Variants in COG3 observed in about 807,000 individuals in gnomAD.
COG3 encodes the protein conserved oligomeric Golgi complex subunit 3.
A neutral mutation model predicts 114.1 loss-of-function variants in COG3; 32 were observed. The ratio of observed to expected loss-of-function variants is 0.28; its 90% CI spans 0.21 to 0.38. The LOEUF (loss-of-function observed/expected upper bound fraction) is 0.38. Ranked by LOEUF, COG3 falls within the 10% of genes least tolerant of loss-of-function variation. The pLI, the probability that COG3 is intolerant of heterozygous loss-of-function variation, is 1.00. For synonymous variants in COG3, 352 were observed against 365.7 expected (o/e 0.96, Z 0.43); for missense variants, 813 against 973.2 (o/e 0.84, Z 2.19).
intron 8 of COG3, among the ~76,000 whole-genome samples, chr13:45,490,139 G>C (rs1446509132): frequency 6.6e-6 from 1 of 152,120 alleles, no homozygotes; most frequent in Non-Finnish European, 1.5e-5. Flanking sequence ...ACTTTTGTCT[G>C]TCATAAATTG....
chr13:45,489,994 T>A (rs1886924942), intron 8 of COG3, among the ~76,000 whole-genome samples: 1 of 152,188 alleles, frequency 6.6e-6, no homozygotes, highest in South Asian at 2.1e-4. Flanking sequence ...ACTGGAGTTT[T>A]CTACACGGTA....
chr13:45,489,262 C>CAAAAAAA (rs377551623), intron 8 of COG3, among the ~76,000 whole-genome samples: 1,190 of 43,578 alleles, frequency 0.027, 275 homozygotes, highest in African/African-American at 0.094. Flanking sequence ...GACCCAGCCT[C>CAAAAAAA]AAAAAAAAAA....
chr13:45,478,253 G>A (rs1282351139), intron 2 of COG3, among the ~76,000 whole-genome samples: 1 of 149,468 alleles, frequency 6.7e-6, no homozygotes, highest in Non-Finnish European at 1.5e-5. Context: ...GTGCAGTGGC[G>A]TGATCTCGGC....
At chr13:45,504,041 G>C (rs951227085) in intron 14 of COG3, among the ~76,000 whole-genome samples, 1 of 152,104 alleles carries the variant, frequency 6.6e-6, no homozygotes, top group Non-Finnish European at 1.5e-5. Context: ...TAGGGACCTA[G>C]ACAGCAAGCT....
chr13:45,478,781 A>G (rs959268754), intron 2 of COG3, among the ~76,000 whole-genome samples: 2 of 152,126 alleles, frequency 1.3e-5, no homozygotes, highest in Non-Finnish European at 2.9e-5. Context: ...GAGCCACCAC[A>G]CCCGGTGAAA....
rs1373677487 is a variant in COG3 at position 45,509,625 on chromosome 13, A to G, written c.1595-67A>G. On this transcript the variant is annotated intron_variant, in intron 14 of 22. Transcript: ENST00000349995. Reference sequence around the variant, plus strand: ...TGAGAATAAGCAGTTTATAGTTGCCATGTAAATTATTGTAAGACAAATATC... The same window carrying G: ...TGAGAATAAGCAGTTTATAGTTGCCGTGTAAATTATTGTAAGACAAATATC... The G allele has an allele frequency of 3.1e-6, 5 of 1,587,676 alleles. No individual in the cohort carries two copies. The Admixed American group carries it at 6.8e-5, about 22-fold the overall frequency.
At chr13:45,515,017 G>A (rs1871393419) in intron 16 of COG3, among the ~76,000 whole-genome samples, 1 of 152,192 alleles carries the variant, frequency 6.6e-6, no homozygotes, top group Non-Finnish European at 1.5e-5. Flanking sequence ...GTTTTTTAAG[G>A]CAAGAAATTG....
At position 45,496,125 on chromosome 13, in the gene COG3, G is replaced by T. The variant is rs769169899; in HGVS notation, c.1328-27G>T. Reference sequence around the variant, plus strand: ...AGAAAGTGTTTTTCTAAATCTAAAAGAATGGATGATTGCACTTTTTTATCA... The same window carrying T: ...AGAAAGTGTTTTTCTAAATCTAAAATAATGGATGATTGCACTTTTTTATCA... On this transcript the variant is annotated intron_variant, in intron 12 of 22. Coordinates refer to ENST00000349995, the MANE Select transcript of COG3 (RefSeq NM_031431.4). 7 of 1,591,542 alleles carry T rather than the reference G, an allele frequency of 4.4e-6. No individual in the cohort carries two copies. In the Admixed American group the frequency reaches 8.6e-5, roughly 20 times the overall value.
At position 45,480,257 on chromosome 13, in the gene COG3, A is replaced by G. The variant is rs371004147; in HGVS notation, c.516A>G (p.Leu172=). 3.7e-6 allele frequency: 6 copies of G among 1,613,422 alleles called. No individual in the cohort carries two copies. In the African/African-American group the frequency reaches 8.0e-5, roughly 22 times the overall value. ...YLFVSNKTGT[L]HEACEQLLKE... ...TTGTGTCCAATAAGACAGGAACCCTACATGAAGCCTGTGAACAGCTCCTAA... is the reference window on the plus strand; with the variant it reads ...TTGTGTCCAATAAGACAGGAACCCTGCATGAAGCCTGTGAACAGCTCCTAA... Residue 172 remains leucine, a synonymous_variant, in exon 4 of 23, where the codon CTA becomes CTG. Coordinates refer to ENST00000349995, the MANE Select transcript of COG3 (RefSeq NM_031431.4).
intron 14 of COG3, among the ~76,000 whole-genome samples, chr13:45,506,190 G>A (rs1437610264): frequency 6.6e-6 from 1 of 152,210 alleles, no homozygotes; most frequent in Non-Finnish European, 1.5e-5. Flanking sequence ...AGGATGAGGT[G>A]TAGTTGGTGC....
chr13:45,529,796 G>A lies in COG3; in HGVS notation c.2236G>A (p.Val746Ile). 1.2e-6 allele frequency: 2 copies of A among 1,608,096 alleles called. No individual in the cohort carries two copies. Among genetic ancestry groups the A allele is most frequent in the Non-Finnish European group, 1.7e-6 (2 of 1,176,374 alleles). Residue 746 changes from valine (V) to isoleucine (I), a missense_variant, in exon 21 of 23, where the codon GTC becomes ATC. Physicochemically the swap from Val to Ile is conservative, Grantham distance 29. Around this residue, in one of 2 missense-constraint regions of COG3, gnomAD observed 389 missense variants for 542.6 expected, o/e 0.72. Transcript: ENST00000349995. ...TGAGGTTACTTTATTTCCAGCAAAG[G>A]TCAATGACCTTGCGGCAACTGCATA... ...SQQPWAQPAK[V>I]NDLAATAYKT...
rs1438432811 is a variant in COG3 at position 45,518,786 on chromosome 13, C to T, written c.1955C>T (p.Pro652Leu). 1 of 1,613,916 alleles carries T rather than the reference C, an allele frequency of 6.2e-7. No individual in the cohort carries two copies. The highest frequency in any genetic ancestry group is 2.2e-5 in the East Asian group (1 of 44,876). The change falls in exon 18 of 23, where the codon CCT becomes CTT. Residue 652 changes from proline (P) to leucine (L), a missense_variant. By Grantham distance (98) the Pro-to-Leu change is moderately conservative. Coordinates refer to ENST00000349995, the MANE Select transcript of COG3 (RefSeq NM_031431.4). ...TRDAAFKILN[P>L]MTVPRFFRLN... ...GATGCAGCATTTAAAATCCTGAACC[C>T]TATGACTGTCCCAAGATTTTTTAGG...
At chr13:45,466,272 C>G (rs1441146645) in intron 1 of COG3, among the ~76,000 whole-genome samples, 1 of 152,168 alleles carries the variant, frequency 6.6e-6, no homozygotes, top group Non-Finnish European at 1.5e-5. Context: ...CTCCTGACCT[C>G]AAGTGATCTG....
At chr13:45,465,331 T>C in intron 1 of COG3, 121 bp downstream of exon 1, 1 of 1,409,976 alleles carries the variant, frequency 7.1e-7, no homozygotes, top group African/African-American at 1.5e-5. Flanking sequence ...TCCCTGGCCA[T>C]GGTGGCGGAT....
intron 22 of COG3, chr13:45,534,434 G>A (rs985443854): frequency 1.2e-5 from 4 of 323,934 alleles, no homozygotes; most frequent in Non-Finnish European, 1.7e-5. Flanking sequence ...TTATAGCCAT[G>A]TTTACTGGTC....
In COG3 at chr13:45,509,829, T is replaced by G. The variant is rs776605253; in HGVS notation, c.1719+13T>G. 1 of 1,573,332 alleles carries G rather than the reference T, an allele frequency of 6.4e-7. No homozygotes were observed. The highest frequency in any genetic ancestry group is 8.7e-7 in the Non-Finnish European group (1 of 1,152,878). On this transcript the variant is annotated intron_variant, in intron 15 of 22. Coordinates refer to ENST00000349995, the MANE Select transcript of COG3 (RefSeq NM_031431.4). ...CAGATGCATAGATGTACGTGTATCT[T>G]TACTGTGAATTGCTCGTTCTTTCAC...
intron 16 of COG3, among the ~76,000 whole-genome samples, chr13:45,513,700 G>A (rs1376806412): frequency 6.6e-6 from 1 of 150,958 alleles, no homozygotes; most frequent in Admixed American, 6.6e-5. Context: ...TTTTCACATG[G>A]GGACTAGAAA....
At position 45,518,792 on chromosome 13, in the gene COG3, C is replaced by G; in HGVS notation, c.1961C>G (p.Thr654Ser). 1 of 1,613,980 alleles carries G rather than the reference C, an allele frequency of 6.2e-7. No individual in the cohort carries two copies. The highest frequency in any genetic ancestry group is 1.1e-5 in the South Asian group (1 of 91,058). Residue 654 changes from threonine (T) to serine (S), a missense_variant, in exon 18 of 23, where the codon ACT becomes AGT. Physicochemically the swap from Thr to Ser is moderately conservative, Grantham distance 58. Coordinates refer to ENST00000349995, the MANE Select transcript of COG3 (RefSeq NM_031431.4). ...DAAFKILNPM[T>S]VPRFFRLNSN... ...GCATTTAAAATCCTGAACCCTATGA[C>G]TGTCCCAAGATTTTTTAGGCTGAAT... is the stretch of plus-strand genomic sequence containing the variant.
chr13:45,510,451 A>G (rs1870736783), intron 15 of COG3, among the ~76,000 whole-genome samples: 1 of 152,136 alleles, frequency 6.6e-6, no homozygotes, highest in Admixed American at 6.6e-5. Context: ...AGAGGTTTGG[A>G]TATTTGGCAT....
Sources: gnomAD v4.1 joint callset for allele counts (sites outside exome capture counted in the v4.1 genomes callset) on GRCh38, gnomAD v4.1.1 for gene constraint, gnomAD v4.1.1 regional missense constraint, MANE v1.5 for transcripts, NCBI Gene and HGNC (gene_info 2026-07-23, HGNC 2026-07-21) for gene names.